NET1: variants seen among roughly 807,000 people sequenced by gnomAD.
The protein encoded by NET1 is neuroepithelial cell transforming 1.
A neutral mutation model predicts 61.1 loss-of-function variants in NET1; 42 were observed. The ratio of observed to expected loss-of-function variants is 0.69; its 90% CI spans 0.54 to 0.89. NET1 has a LOEUF of 0.89. NET1 is among the 40% of genes least tolerant of loss of function. The pLI, the probability that NET1 is intolerant of heterozygous loss-of-function variation, is 0.00. For synonymous variants in NET1, 254 were observed against 281.8 expected (o/e 0.90, Z 0.99); for missense variants, 654 against 747.3 (o/e 0.88, Z 1.46).
rs1433549156 is a variant in NET1 at position 5,439,491 on chromosome 10, A to T, written c.255+10262A>T. Among the ~76,000 whole-genome samples, 2 of 152,204 alleles carry T rather than the reference A, an allele frequency of 1.3e-5. No individual in the cohort carries two copies. ...CTTTGGTCTTCCTTAAGCCAATCACAAATGGACCATTTCCTTTGTATAACA... is the reference window on the plus strand; with the variant it reads ...CTTTGGTCTTCCTTAAGCCAATCACTAATGGACCATTTCCTTTGTATAACA... On this transcript the variant is annotated intron_variant, in intron 3 of 11. Coordinates refer to ENST00000355029, the MANE Select transcript of NET1 (RefSeq NM_001047160.3). The surrounding 1 kb of genome is among the most constrained non-coding windows in gnomAD (Gnocchi z 4.8).
rs1260728127 is a variant in NET1 at position 5,446,652 on chromosome 10, T to C, written c.256-5178T>C. ...GCGGCGAGAGGCATGGGCACGTGGCTGCCGAGGGTGGCCGAGCTCTGGGAA... is the reference window on the plus strand; with the variant it reads ...GCGGCGAGAGGCATGGGCACGTGGCCGCCGAGGGTGGCCGAGCTCTGGGAA... On this transcript the variant is annotated intron_variant, in intron 3 of 11. Transcript: ENST00000355029. This position sits in a 1 kb window ranked among gnomAD's most constrained non-coding sequence, Gnocchi z 5.0. 1 of 1,311,574 alleles carries C rather than the reference T, an allele frequency of 7.6e-7. No homozygotes were observed. The highest frequency in any genetic ancestry group is 9.8e-7 in the Non-Finnish European group (1 of 1,024,228). 81.2% of individuals were successfully genotyped at this position (1,311,574 alleles called of 1,614,324 possible).
rs1353073646 is a variant in NET1, at chr10:5,435,198, A to G, written c.255+5969A>G. Reference sequence around the variant, plus strand: ...CCAGACCAATTCCATATATGAATGGAGGAATAGGGGAGGAAATGAGGATAA... The same window carrying G: ...CCAGACCAATTCCATATATGAATGGGGGAATAGGGGAGGAAATGAGGATAA... On this transcript the variant is annotated intron_variant, in intron 3 of 11. Transcript: ENST00000355029. The surrounding 1 kb of genome is among the most constrained non-coding windows in gnomAD (Gnocchi z 5.0). Among the ~76,000 whole-genome samples, 1 of 152,164 alleles carries G rather than the reference A, an allele frequency of 6.6e-6. No individual in the cohort carries two copies. The highest frequency in any genetic ancestry group is 1.5e-5 in the Non-Finnish European group (1 of 68,030).
In NET1 at chr10:5,412,750, G is replaced by T; in HGVS notation, c.58G>T (p.Ala20Ser). The change falls in exon 1 of 12, where the codon GCC (alanine) becomes TCC (serine). Residue 20 changes from alanine (A) to serine (S), a missense_variant. By Grantham distance (99) the Ala-to-Ser change is moderately conservative. Coordinates refer to ENST00000355029, the MANE Select transcript of NET1 (RefSeq NM_001047160.3). This position sits in a 1 kb window ranked among gnomAD's most constrained non-coding sequence, Gnocchi z 6.5. Reference protein sequence around the residue: ...QPRPRRRSRRASGLSTEGATG... With the variant: ...QPRPRRRSRRSSGLSTEGATG... The stretch of plus-strand genomic sequence containing the variant: ...TCGACCGCGGAGGCGAAGCCGCCGG[G>T]CCTCTGGGCTCAGCACGGAGGGAGC... 3.4e-6 allele frequency: 5 copies of T among 1,482,382 alleles called. No individual in the cohort carries two copies. Among genetic ancestry groups the T allele is most frequent in the African/African-American group, 1.5e-5 (1 of 68,486 alleles). The allele number at this position is 1,482,382 out of a possible 1,614,324, so 91.8% of individuals were successfully genotyped here.
In NET1 at chr10:5,452,297, G is replaced by A; in HGVS notation, c.364-61G>A. The A allele has an allele frequency of 1.5e-6, 2 of 1,332,288 alleles. No individual in the cohort carries two copies. The highest frequency in any genetic ancestry group is 2.0e-6 in the Non-Finnish European group (2 of 1,011,778). 82.5% of individuals were successfully genotyped at this position (1,332,288 alleles called of 1,614,324 possible). A position where few individuals can be genotyped will look rare whatever the true frequency, so the allele number is the denominator to read the frequency against. ...TCTTCACTTTAAAAAAAAAGAAAAT[G>A]GGAATAATTCTATTTCTTCCAAATC... On this transcript the variant is annotated intron_variant, in intron 4 of 11. Transcript: ENST00000355029. This position sits in a 1 kb window ranked among gnomAD's most constrained non-coding sequence, Gnocchi z 4.0.
chr10:5,447,696 C>T lies in NET1; in HGVS notation c.256-4134C>T, dbSNP rs1460455907. Among the ~76,000 whole-genome samples, 3 of 152,202 alleles carry T rather than the reference C, an allele frequency of 2.0e-5. No individual in the cohort carries two copies. The highest frequency in any genetic ancestry group is 2.9e-5 in the Non-Finnish European group (2 of 68,042). On this transcript the variant is annotated intron_variant, in intron 3 of 11. Coordinates refer to ENST00000355029, the MANE Select transcript of NET1 (RefSeq NM_001047160.3). The surrounding 1 kb of genome is among the most constrained non-coding windows in gnomAD (Gnocchi z 4.1). Reference sequence around the variant, plus strand: ...AAGTTGCTTGTCATGTGTACACATACACACACCTTTTGGTAGTTAAAATAG... The same window carrying T: ...AAGTTGCTTGTCATGTGTACACATATACACACCTTTTGGTAGTTAAAATAG...
intron 1 of NET1, among the ~76,000 whole-genome samples, chr10:5,418,054 G>A (rs1832110407): frequency 6.6e-6 from 1 of 151,870 alleles, no homozygotes; most frequent in South Asian, 2.1e-4. Context: ...GATCCATTTT[G>A]TTAATATTTT....
chr10:5,418,817 C>T (rs1324565494), intron 1 of NET1, among the ~76,000 whole-genome samples: 2 of 151,994 alleles, frequency 1.3e-5, no homozygotes. Flanking sequence ...TATAAATTTC[C>T]CTCTGAGCAT....
At position 5,457,110 on chromosome 10, in the gene NET1, AT is replaced by A. The variant is rs1269334283; in HGVS notation, c.*118del. 1.9e-6 allele frequency: 2 copies of A among 1,044,096 alleles called. No homozygotes were observed. The highest frequency in any genetic ancestry group is 3.3e-5 in the African/African-American group (2 of 61,278). 64.7% of individuals were successfully genotyped at this position (1,044,096 alleles called of 1,614,324 possible). A position where few individuals can be genotyped will look rare whatever the true frequency, so the allele number is the denominator to read the frequency against. ...ACTTTATACCAGTTGTAACATTTTCATTGTTTTTGGTTGTTCTTTTTTCTTT... is the reference window on the plus strand; with the variant it reads ...ACTTTATACCAGTTGTAACATTTTCATGTTTTTGGTTGTTCTTTTTTCTTT... On this transcript the variant is annotated 3_prime_UTR_variant, in exon 12 of 12. Transcript: ENST00000355029. This position sits in a 1 kb window ranked among gnomAD's most constrained non-coding sequence, Gnocchi z 5.4.
At position 5,437,287 on chromosome 10, in the gene NET1, T is replaced by G. The variant is rs1258797347; in HGVS notation, c.255+8058T>G. ...ACTACAGATATATGATTATCCTGTA[T>G]ATATGCTATAGCTTGCTTTTTTTAA... On this transcript the variant is annotated intron_variant, in intron 3 of 11. Coordinates refer to ENST00000355029, the MANE Select transcript of NET1 (RefSeq NM_001047160.3). The surrounding 1 kb of genome is among the most constrained non-coding windows in gnomAD (Gnocchi z 4.3). Among the ~76,000 whole-genome samples, 1 of 152,210 alleles carries G rather than the reference T, an allele frequency of 6.6e-6. No individual in the cohort carries two copies. The highest frequency in any genetic ancestry group is 2.4e-5 in the African/African-American group (1 of 41,458).
rs1196002799 is a variant in NET1 at position 5,412,974 on chromosome 10, G to T, written c.128+154G>T. Among the ~76,000 whole-genome samples, 11 of 133,636 alleles carry T rather than the reference G, an allele frequency of 8.2e-5. No individual in the cohort carries two copies. Among genetic ancestry groups the T allele is most frequent in the Non-Finnish European group, 1.8e-4 (11 of 61,262 alleles). 87.7% of individuals were successfully genotyped at this position (133,636 alleles called of 152,430 possible). A position where few individuals can be genotyped will look rare whatever the true frequency, so the allele number is the denominator to read the frequency against. ...GGCGGCGAGTGGGGGTGTTGGTGAG[G>T]GCCAGGGGGAGGCGAGGGCCGCTGG... On this transcript the variant is annotated intron_variant, in intron 1 of 11. Transcript: ENST00000355029. The surrounding 1 kb of genome is among the most constrained non-coding windows in gnomAD (Gnocchi z 6.5).
rs1437787513 is a variant in NET1, at chr10:5,416,707, G to A, written c.128+3887G>A. ...TGGGAAAAGTTCCCTTTTCCCCCTCGCAGGGCGTGCACTGGAGGTGTGCTC... is the reference window on the plus strand; with the variant it reads ...TGGGAAAAGTTCCCTTTTCCCCCTCACAGGGCGTGCACTGGAGGTGTGCTC... On this transcript the variant is annotated intron_variant, in intron 1 of 11. Transcript: ENST00000355029. The surrounding 1 kb of genome is among the most constrained non-coding windows in gnomAD (Gnocchi z 6.1). Among the ~76,000 whole-genome samples, 2 of 152,030 alleles carry A rather than the reference G, an allele frequency of 1.3e-5. No homozygotes were observed. Among genetic ancestry groups the A allele is most frequent in the Non-Finnish European group, 2.9e-5 (2 of 68,010 alleles).
In NET1 at chr10:5,449,498, A is replaced by G. The variant is rs147611167; in HGVS notation, c.256-2332A>G. 6.1e-3 allele frequency among the ~76,000 whole-genome samples: 923 copies of G among 152,336 alleles called. 18 individuals are homozygous for G. The highest frequency in any genetic ancestry group is 0.021 in the African/African-American group (864 of 41,570). On this transcript the variant is annotated intron_variant, in intron 3 of 11. Coordinates refer to ENST00000355029, the MANE Select transcript of NET1 (RefSeq NM_001047160.3). The surrounding 1 kb of genome is among the most constrained non-coding windows in gnomAD (Gnocchi z 4.4). ...AGTTGGATTTTTAAAGGACTGTGGA[A>G]CATATTTAACCACCAAATACCACTT...
rs978183812 is a variant in NET1 at position 5,424,826 on chromosome 10, A to G, written c.129-1829A>G. On this transcript the variant is annotated intron_variant, in intron 1 of 11. Coordinates refer to ENST00000355029, the MANE Select transcript of NET1 (RefSeq NM_001047160.3). This position sits in a 1 kb window ranked among gnomAD's most constrained non-coding sequence, Gnocchi z 6.1. Reference sequence around the variant, plus strand: ...GAAAGTCTTTCCTGGCAATTTTGACATCGAACCGTCTCTCAAATCAGCTTC... The same window carrying G: ...GAAAGTCTTTCCTGGCAATTTTGACGTCGAACCGTCTCTCAAATCAGCTTC... Among the ~76,000 whole-genome samples the G allele has an allele frequency of 2.0e-5, 3 of 152,214 alleles. No homozygotes were observed. The highest frequency in any genetic ancestry group is 7.2e-5 in the African/African-American group (3 of 41,462).
At chr10:5,433,344 T>G (rs1399159273) in intron 3 of NET1, among the ~76,000 whole-genome samples, 6 of 152,174 alleles carry the variant, frequency 3.9e-5, no homozygotes, top group African/African-American at 1.4e-4. Flanking sequence ...CTCTCTATGT[T>G]TTGTTTATAG....
In NET1 at chr10:5,458,242, A is replaced by G. The variant is rs1158740626; in HGVS notation, c.*1248A>G. Reference sequence around the variant, plus strand: ...GAAAAAGACTGGTGAATCTTTTATTACAAAATGTTTCTGTTAAAATGGGAT... The same window carrying G: ...GAAAAAGACTGGTGAATCTTTTATTGCAAAATGTTTCTGTTAAAATGGGAT... On this transcript the variant is annotated 3_prime_UTR_variant, in exon 12 of 12. Coordinates refer to ENST00000355029, the MANE Select transcript of NET1 (RefSeq NM_001047160.3). This position sits in a 1 kb window ranked among gnomAD's most constrained non-coding sequence, Gnocchi z 4.5. 1 of 152,258 alleles carries G rather than the reference A, an allele frequency of 6.6e-6. No homozygotes were observed. The highest frequency in any genetic ancestry group is 1.5e-5 in the Non-Finnish European group (1 of 68,036). 9.4% of individuals were successfully genotyped at this position (152,258 alleles called of 1,614,324 possible).
rs1051175864 is a variant in NET1 at position 5,431,273 on chromosome 10, A to G, written c.255+2044A>G. Reference sequence around the variant, plus strand: ...GAAACATGTCATGCAGGATTTTCCTATAGATCTTTTTATAGCCTGAATATT... The same window carrying G: ...GAAACATGTCATGCAGGATTTTCCTGTAGATCTTTTTATAGCCTGAATATT... On this transcript the variant is annotated intron_variant, in intron 3 of 11. Transcript: ENST00000355029. The surrounding 1 kb of genome is among the most constrained non-coding windows in gnomAD (Gnocchi z 4.9). 6.6e-6 allele frequency among the ~76,000 whole-genome samples: 1 copy of G among 152,222 alleles called. No homozygotes were observed.
At position 5,452,453 on chromosome 10, in the gene NET1, T is replaced by G; in HGVS notation, c.459T>G (p.Ser153Arg). Residue 153 changes from serine (S) to arginine (R), a missense_variant, in exon 5 of 12, where the codon AGT becomes AGG. Transcript: ENST00000355029. The surrounding 1 kb of genome is among the most constrained non-coding windows in gnomAD (Gnocchi z 4.0). ...TVPTPAKRRS[S>R]ALWSEMLDIT... is the part of the protein sequence containing the mutation. ...CAACACCCGCCAAGAGAAGGAGCAGTGCACTGTGGTCAGAGATGCTGGACA... is the reference window on the plus strand; with the variant it reads ...CAACACCCGCCAAGAGAAGGAGCAGGGCACTGTGGTCAGAGATGCTGGACA... 1 of 1,614,160 alleles carries G rather than the reference T, an allele frequency of 6.2e-7. No homozygotes were observed. Among genetic ancestry groups the G allele is most frequent in the Non-Finnish European group, 8.5e-7 (1 of 1,180,016 alleles).
rs961184756 is a variant in NET1, at chr10:5,416,759, C to T, written c.128+3939C>T. Among the ~76,000 whole-genome samples the T allele has an allele frequency of 1.3e-5, 2 of 152,152 alleles. No individual in the cohort carries two copies. Among genetic ancestry groups the T allele is most frequent in the Non-Finnish European group, 2.9e-5 (2 of 68,032 alleles). Reference sequence around the variant, plus strand: ...CTTCTTCGGTGCCCTGCTGTTCAAACCTCTAGGGGAACATATAGATAGGCA... The same window carrying T: ...CTTCTTCGGTGCCCTGCTGTTCAAATCTCTAGGGGAACATATAGATAGGCA... On this transcript the variant is annotated intron_variant, in intron 1 of 11. Coordinates refer to ENST00000355029, the MANE Select transcript of NET1 (RefSeq NM_001047160.3). This position sits in a 1 kb window ranked among gnomAD's most constrained non-coding sequence, Gnocchi z 6.1.
rs1233270955 is a variant in NET1 at position 5,453,699 on chromosome 10, G to A, written c.768+139G>A. 1.5e-6 allele frequency: 1 copy of A among 665,330 alleles called. No homozygotes were observed. Among genetic ancestry groups the A allele is most frequent in the African/African-American group, 1.9e-5 (1 of 53,980 alleles). 41.2% of individuals were successfully genotyped at this position (665,330 alleles called of 1,614,324 possible). A position where few individuals can be genotyped will look rare whatever the true frequency, so the allele number is the denominator to read the frequency against. On this transcript the variant is annotated intron_variant, in intron 8 of 11. Transcript: ENST00000355029. The surrounding 1 kb of genome is among the most constrained non-coding windows in gnomAD (Gnocchi z 4.9). ...GGCGTTAAAACTGAACAAATTTACA[G>A]TGACATAAGAAGTTACAGTCTGTTT... is the stretch of plus-strand genomic sequence containing the variant.
Sources: allele counts gnomAD v4.1 joint callset (sites outside exome capture counted in the v4.1 genomes callset), GRCh38; gene constraint gnomAD v4.1.1; non-coding constraint Gnocchi (gnomAD v3.1); transcripts MANE v1.5; gene names NCBI Gene and HGNC (gene_info 2026-07-23, HGNC 2026-07-21).